The following TNNT3 variants were observed in gnomAD, a reference collection of about 807,000 sequenced individuals.
TNNT3 encodes troponin T, fast skeletal muscle.
Under a neutral mutation model 54.2 loss-of-function variants are expected in TNNT3, and 36 were observed. The ratio of observed to expected loss-of-function variants is 0.66; its 90% CI spans 0.51 to 0.88. The LOEUF is 0.88. Ranked by LOEUF, TNNT3 falls within the 40% of genes least tolerant of loss-of-function variation. TNNT3 has a pLI of 0.00. For synonymous variants in TNNT3, 120 were observed against 109.7 expected, an observed-to-expected ratio of 1.09 and a Z score of -0.59; for missense variants, 291 against 331.6, an observed-to-expected ratio of 0.88 and a Z score of 0.95.
chr11:1,929,226 G>T, intron 7 of TNNT3, 83 bp downstream of exon 7: 1 of 1,495,212 alleles, frequency 6.7e-7, no homozygotes, highest in East Asian at 2.3e-5. Flanking sequence ...GGGGTCTCTC[G>T]CTGCCCTGCC....
chr11:1,923,099 T>C, intron 3 of TNNT3, 38 bp downstream of exon 3: 1 of 1,612,574 alleles, frequency 6.2e-7, no homozygotes, highest in Non-Finnish European at 8.5e-7. Flanking sequence ...CTTCCTGCTC[T>C]AGAAGGAAGG....
chr11:1,929,344 G>C (rs1391575703), intron 7 of TNNT3, among the ~76,000 whole-genome samples: 2 of 152,182 alleles, frequency 1.3e-5, no homozygotes, highest in Non-Finnish European at 2.9e-5. Flanking sequence ...GGGCCTCGCG[G>C]GTGCCACCGC....
intron 15 of TNNT3, 35 bp downstream of exon 15, chr11:1,937,038 C>A: frequency 6.4e-7 from 1 of 1,568,138 alleles, no homozygotes; most frequent in South Asian, 1.2e-5. Context: ...CCGCACTGGG[C>A]ACAGGGGCCC....
At chr11:1,931,578 C>T (rs1375901993) in intron 8 of TNNT3, among the ~76,000 whole-genome samples, 15 of 152,218 alleles carry the variant, frequency 9.9e-5, no homozygotes, top group East Asian at 5.8e-4. Context: ...TCTGAGAACT[C>T]GTAGCTACGG....
intron 7 of TNNT3, among the ~76,000 whole-genome samples, chr11:1,929,527 C>T (rs2668865): frequency 6.6e-6 from 1 of 152,216 alleles, no homozygotes; most frequent in Admixed American, 6.5e-5. Context: ...TTCAAGGACG[C>T]GGCCTGTCTC....
At position 1,929,698 on chromosome 11, in the gene TNNT3, C is replaced by T. The variant is rs1432416645; in HGVS notation, c.107-112C>T. On this transcript the variant is annotated intron_variant, in intron 7 of 15. Transcript: ENST00000278317. The stretch of plus-strand genomic sequence containing the variant: ...TACTCCCAGCTGAAAAGGACGGTGG[C>T]CTTCAGTGAAGGGGAACCCAGGGCC... 8 of 1,211,088 alleles carry T rather than the reference C, an allele frequency of 6.6e-6. No individual in the cohort carries two copies. The African/African-American group carries it at 1.1e-4, about 16-fold the overall frequency. 75.0% of individuals were successfully genotyped at this position (1,211,088 alleles called of 1,614,324 possible). A position where few individuals can be genotyped will look rare whatever the true frequency, so the allele number is the denominator to read the frequency against.
rs202011950 is a variant in TNNT3, at chr11:1,923,505, C to T, written c.32-50C>T. 456 of 1,606,752 alleles carry T rather than the reference C, an allele frequency of 2.8e-4. 2 individuals carry two copies. In the African/African-American group the frequency reaches 4.4e-3, roughly 15 times the overall value. On this transcript the variant is annotated intron_variant, in intron 3 of 15. Transcript: ENST00000278317. ...GCCTCTCATCCTCCTCCTCCCTTCA[C>T]GGGCTGCCCCTTCTAACGTGGTTCC...
At chr11:1,929,771 C>T (rs2133377996) in intron 7 of TNNT3, 39 bp from the exon 8 acceptor site, 1 of 1,551,732 alleles carries the variant, frequency 6.4e-7, no homozygotes, top group East Asian at 2.4e-5. Flanking sequence ...TCTCCCCACG[C>T]TGGTGTCCCT....
chr11:1,920,935 C>A (rs1387938456), intron 1 of TNNT3, among the ~76,000 whole-genome samples: 3 of 152,158 alleles, frequency 2.0e-5, no homozygotes, highest in Non-Finnish European at 4.4e-5. Flanking sequence ...CAGCAGAAAA[C>A]CAGGTGCCTC....
chr11:1,922,963 G>A (rs1306798744), intron 2 of TNNT3, 72 bp downstream of exon 2: 4 of 1,613,498 alleles, frequency 2.5e-6, no homozygotes, highest in East Asian at 2.2e-5. Context: ...TGGGGCTGGA[G>A]CATGCGCTAT....
chr11:1,925,473 G>A, intron 5 of TNNT3: 1 of 655,568 alleles, frequency 1.5e-6, no homozygotes, highest in Non-Finnish European at 2.7e-6. Flanking sequence ...TCTCGAGGGT[G>A]GGCCCCCTTC....
chr11:1,926,675 C>G lies in TNNT3; in HGVS notation c.68-20C>G, dbSNP rs1193515341. On this transcript the variant is annotated intron_variant, in intron 5 of 15. Coordinates refer to ENST00000278317, the MANE Select transcript of TNNT3 (RefSeq NM_006757.4). ...TCTCTCTCTCCCGCCCTTTCTGCCA[C>G]CATGACGCTGCTTCTGCAGAGGAAG... 6.2e-7 allele frequency: 1 copy of G among 1,613,532 alleles called. No individual in the cohort carries two copies.
intron 6 of TNNT3, among the ~76,000 whole-genome samples, chr11:1,928,472 A>C (rs945233661): frequency 1.3e-5 from 2 of 152,186 alleles, no homozygotes; most frequent in Non-Finnish European, 2.9e-5. Context: ...GTCAGAGGGC[A>C]AGCCCCAGGG....
chr11:1,922,999 G>C, intron 2 of TNNT3, 49 bp from the exon 3 acceptor site: 2 of 1,613,694 alleles, frequency 1.2e-6, no homozygotes, highest in East Asian at 2.2e-5. Flanking sequence ...GCAAAGCCCA[G>C]CCTCACTACC....
chr11:1,933,095 C>T (rs1462909911), intron 9 of TNNT3, among the ~76,000 whole-genome samples: 5 of 148,756 alleles, frequency 3.4e-5, no homozygotes, highest in Admixed American at 3.3e-4. Flanking sequence ...CACTCACTCA[C>T]ATAACCATCC....
At chr11:1,925,482 TC>T in intron 5 of TNNT3, 1 of 637,540 alleles carries the variant, frequency 1.6e-6, no homozygotes, top group Non-Finnish European at 2.8e-6. Flanking sequence ...TGGGCCCCCT[TC>T]CCCACAGCCC....
intron 4 of TNNT3, among the ~76,000 whole-genome samples, chr11:1,924,755 C>A (rs1851034503): frequency 1.3e-5 from 2 of 152,204 alleles, no homozygotes; most frequent in South Asian, 4.1e-4. Flanking sequence ...ACTTGTGTCA[C>A]CTGCAGAGCA....
rs555698716 is a variant in TNNT3 at position 1,937,501 on chromosome 11, G to A, written c.722+498G>A. On this transcript the variant is annotated intron_variant, in intron 15 of 15. Coordinates refer to ENST00000278317, the MANE Select transcript of TNNT3 (RefSeq NM_006757.4). ...ATGGTGAAACCTCATCCATAAAATC[G>A]TGTCCCTGGGGGCTGTGGGATCCCT... Among the ~76,000 whole-genome samples, 15 of 152,232 alleles carry A rather than the reference G, an allele frequency of 9.9e-5. No homozygotes were observed. The South Asian group carries it at 1.9e-3, about 19-fold the overall frequency.
intron 14 of TNNT3, among the ~76,000 whole-genome samples, chr11:1,935,819 C>CG (rs1854855936): frequency 6.6e-6 from 1 of 151,960 alleles, no homozygotes; most frequent in South Asian, 2.1e-4. Flanking sequence ...CCAAGCCAGC[C>CG]GGGCAAATCC....
Sources: gnomAD v4.1 joint callset for allele counts (sites outside exome capture counted in the v4.1 genomes callset) on GRCh38, gnomAD v4.1.1 for gene constraint, MANE v1.5 for transcripts, NCBI Gene and HGNC (gene_info 2026-07-23, HGNC 2026-07-21) for gene names.